KIF26B: variants seen among roughly 807,000 people sequenced by gnomAD.
KIF26B encodes the protein kinesin-like protein KIF26B.
In KIF26B, 63 loss-of-function variants were observed where a neutral mutation model predicts 151.2. That is an observed-to-expected ratio of 0.42 (90% confidence interval 0.34 to 0.51). The LOEUF is 0.51. Among genes scored for constraint, KIF26B ranks in the 20% least tolerant of loss-of-function variants. The pLI, the probability that KIF26B is intolerant of heterozygous loss-of-function variation, is 0.07. For missense variants in KIF26B, 2,813 were observed against 2,913.6 expected (o/e 0.97, Z 0.79); for synonymous variants, 1,357 against 1,262.1 (o/e 1.08, Z -1.59).
At chr1:245,273,581 C>T (rs928711780) in intron 2 of KIF26B, among the ~76,000 whole-genome samples, 28 of 152,086 alleles carry the variant, frequency 1.8e-4, no homozygotes, top group African/African-American at 6.8e-4. Flanking sequence ...GTTGTATCTT[C>T]CTGGTAAATT....
intron 2 of KIF26B, among the ~76,000 whole-genome samples, chr1:245,209,170 C>T (rs548385086): frequency 6.6e-5 from 10 of 152,170 alleles, no homozygotes; most frequent in South Asian, 4.2e-4. Flanking sequence ...GAGGCTGAGA[C>T]GGGTGGATCA....
Position 245,325,094 on chromosome 1 carries a change from CAAAAAA to C in KIF26B, c.466-41728_466-41723del, listed in dbSNP as rs57433161. On this transcript the variant is annotated intron_variant, in intron 2 of 14. Coordinates refer to ENST00000407071, the MANE Select transcript of KIF26B (RefSeq NM_018012.4). ...TGGACGACAAAGCCAGACCTTGTCT[CAAAAAA>C]AAAAAAAAAAAGAAAAAAAGAAAAA... Among the ~76,000 whole-genome samples the C allele has an allele frequency of 4.1e-5, 4 of 96,578 alleles. No homozygotes were observed. The East Asian group carries it at 1.1e-3, about 27-fold the overall frequency. The allele number at this position is 96,578 out of a possible 152,430, so 63.4% of individuals were successfully genotyped here.
chr1:245,623,420 T>A (rs2043687043), intron 9 of KIF26B, among the ~76,000 whole-genome samples: 1 of 152,202 alleles, frequency 6.6e-6, no homozygotes, highest in Non-Finnish European at 1.5e-5. Flanking sequence ...TATCAATAGT[T>A]CATATATTTA....
At chr1:245,548,899 A>G (rs1661814734) in intron 5 of KIF26B, among the ~76,000 whole-genome samples, 1 of 152,094 alleles carries the variant, frequency 6.6e-6, no homozygotes, top group South Asian at 2.1e-4. Flanking sequence ...ACCCGCCACC[A>G]TGCCTGGCTA....
intron 2 of KIF26B, among the ~76,000 whole-genome samples, chr1:245,338,702 T>C (rs138077195): frequency 1.0e-3 from 156 of 152,326 alleles, no homozygotes; most frequent in African/African-American, 3.5e-3. Context: ...GCTGATGGCA[T>C]GGAGCAGTAT....
chr1:245,449,967 C>G (rs1345248545), intron 4 of KIF26B, among the ~76,000 whole-genome samples: 1 of 152,124 alleles, frequency 6.6e-6, no homozygotes, highest in African/African-American at 2.4e-5. Context: ...TGAGGAATGT[C>G]CATATGTGGT....
chr1:245,221,813 T>C (rs1669780071), intron 2 of KIF26B, among the ~76,000 whole-genome samples: 1 of 152,224 alleles, frequency 6.6e-6, no homozygotes, highest in African/African-American at 2.4e-5. Context: ...AGTTTTGAAG[T>C]AAAATTTTAA....
intron 4 of KIF26B, among the ~76,000 whole-genome samples, chr1:245,450,279 C>G (rs765826738): frequency 9.2e-5 from 14 of 152,134 alleles, no homozygotes; most frequent in Non-Finnish European, 7.3e-5. Flanking sequence ...TGATTCCTTC[C>G]GAATCACTGG....
intron 2 of KIF26B, among the ~76,000 whole-genome samples, chr1:245,324,624 A>G (rs1378420480): frequency 6.6e-6 from 1 of 151,970 alleles, no homozygotes; most frequent in East Asian, 1.9e-4. Flanking sequence ...TCATTTGTCT[A>G]TCTTCCTTCC....
intron 4 of KIF26B, among the ~76,000 whole-genome samples, chr1:245,458,892 T>C (rs532363929): frequency 6.6e-6 from 1 of 152,312 alleles, no homozygotes; most frequent in Non-Finnish European, 1.5e-5. Flanking sequence ...GATGTTAGCG[T>C]CCTTAGCCTA....
chr1:245,403,710 G>T (rs1039689199), intron 3 of KIF26B, among the ~76,000 whole-genome samples: 3 of 152,196 alleles, frequency 2.0e-5, no homozygotes, highest in African/African-American at 7.2e-5. Context: ...TACAAAATGT[G>T]TGCATGTTTC....
intron 4 of KIF26B, among the ~76,000 whole-genome samples, chr1:245,471,131 G>GTGTGTA (rs138483670): frequency 2.0e-5 from 3 of 149,334 alleles, no homozygotes; most frequent in East Asian, 3.9e-4. Context: ...GTGTGTGTGT[G>GTGTGTA]TATATATATA....
rs972728971 is a variant in KIF26B at position 245,156,769 on chromosome 1, C to A, written c.465+86C>A. ...ACAGCAGCTGCTCAGCCCGCCGCGA[C>A]CTTGCGCGCCGGCTCCACGCGAGAG... On this transcript the variant is annotated intron_variant, in intron 2 of 14. Transcript: ENST00000407071. 17 of 837,494 alleles carry A rather than the reference C, an allele frequency of 2.0e-5. No homozygotes were observed. In the African/African-American group the frequency reaches 3.1e-4, roughly 15 times the overall value. The allele number at this position is 837,494 out of a possible 1,614,324, so 51.9% of individuals were successfully genotyped here. A position where few individuals can be genotyped will look rare whatever the true frequency, so the allele number is the denominator to read the frequency against.
rs768845373 is a variant in KIF26B, at chr1:245,686,596, G to A, written c.3613G>A (p.Gly1205Ser). ...GACCATCAGCGGGGTCCTGGACAGC[G>A]GCCGCCCCACCAGCATCATCAGCTT... is the stretch of plus-strand genomic sequence containing the variant. ...ELTISGVLDS[G>S]RPTSIISFNS... Residue 1205 changes from glycine to serine, a missense_variant, in exon 12 of 15, where the codon GGC becomes AGC. Around this residue, in one of 3 missense-constraint regions of KIF26B, gnomAD observed 2,060 missense variants for 2,088.6 expected, o/e 0.99. Transcript: ENST00000407071. The surrounding 1 kb of genome is among the most constrained non-coding windows in gnomAD (Gnocchi z 5.6). The A allele has an allele frequency of 2.0e-5, 33 of 1,611,530 alleles. No individual in the cohort carries two copies. Among genetic ancestry groups the A allele is most frequent in the African/African-American group, 1.6e-4 (12 of 74,866 alleles).
In KIF26B at chr1:245,697,967, G is replaced by A. The variant is rs1455226415; in HGVS notation, c.5825-139G>A. The A allele has an allele frequency of 8.2e-6, 6 of 730,190 alleles. No homozygotes were observed. In the East Asian group the frequency reaches 1.7e-4, roughly 20 times the overall value. The allele number at this position is 730,190 out of a possible 1,614,324, so 45.2% of individuals were successfully genotyped here. Reference sequence around the variant, plus strand: ...GAGACAAGAGAATTGCTTGAGCCCAGGAATTCAAGGCTGCAGTGAGCTATG... The same window carrying A: ...GAGACAAGAGAATTGCTTGAGCCCAAGAATTCAAGGCTGCAGTGAGCTATG... On this transcript the variant is annotated intron_variant, in intron 12 of 14. Coordinates refer to ENST00000407071, the MANE Select transcript of KIF26B (RefSeq NM_018012.4).
At chr1:245,339,012 G>A (rs1466949075) in intron 2 of KIF26B, among the ~76,000 whole-genome samples, 18 of 147,750 alleles carry the variant, frequency 1.2e-4, no homozygotes, top group Non-Finnish European at 2.1e-4. Context: ...ACGTAATCTC[G>A]CTCTGTCCAG....
At chr1:245,278,967 C>T (rs982699128) in intron 2 of KIF26B, among the ~76,000 whole-genome samples, 36 of 152,168 alleles carry the variant, frequency 2.4e-4, no homozygotes, top group Admixed American at 2.4e-3. Flanking sequence ...AGCCCACAGC[C>T]CAGGCTCTCC....
At chr1:245,617,610 C>G (rs1403222451) in intron 9 of KIF26B, among the ~76,000 whole-genome samples, 1 of 152,144 alleles carries the variant, frequency 6.6e-6, no homozygotes, top group African/African-American at 2.4e-5. Flanking sequence ...GCAAGGATGT[C>G]CACACACTAC....
At chr1:245,296,538 G>C (rs1671340263) in intron 2 of KIF26B, among the ~76,000 whole-genome samples, 1 of 152,196 alleles carries the variant, frequency 6.6e-6, no homozygotes, top group African/African-American at 2.4e-5. Context: ...TCAGTCCTGG[G>C]TGGGGGACGT....
Sources: gnomAD v4.1 joint callset for allele counts (sites outside exome capture counted in the v4.1 genomes callset) on GRCh38, gnomAD v4.1.1 for gene constraint, gnomAD v4.1.1 regional missense constraint, Gnocchi (gnomAD v3.1) non-coding constraint, MANE v1.5 for transcripts, NCBI Gene and HGNC (gene_info 2026-07-23, HGNC 2026-07-21) for gene names.